The following HPSE variants were observed in gnomAD, a reference collection of about 807,000 sequenced individuals.
The protein encoded by HPSE is heparanase.
Under a neutral mutation model 65.1 loss-of-function variants are expected in HPSE, and 48 were observed. That is an observed-to-expected ratio of 0.74 (90% CI 0.58 to 0.94). HPSE has a LOEUF of 0.94. Ranked by LOEUF, HPSE falls within the 40% of genes least tolerant of loss-of-function variation. The pLI is 0.00. For synonymous variants in HPSE, 243 were observed against 260.0 expected (o/e 0.93, Z 0.63); for missense variants, 644 against 637.5 (o/e 1.01, Z -0.11).
Position 83,310,721 on chromosome 4 carries a change from C to G in HPSE, c.842+1G>C. 6.2e-7 allele frequency: 1 copy of G among 1,608,830 alleles called. No individual in the cohort carries two copies. The highest frequency in any genetic ancestry group is 8.5e-7 in the Non-Finnish European group (1 of 1,178,058). Reference sequence around the variant, plus strand: ...GTGATTCTGCATCCTCTAGTTCCTACCTCTTCAGCATCTTAGCCGTCTTTC... The same window carrying G: ...GTGATTCTGCATCCTCTAGTTCCTAGCTCTTCAGCATCTTAGCCGTCTTTC... On this transcript the variant is annotated splice_donor_variant, in intron 5 of 11. Transcript: ENST00000311412. LOFTEE classifies it high-confidence loss of function.
chr4:83,312,714 C>CTA (rs901888418), intron 4 of HPSE, among the ~76,000 whole-genome samples: 1 of 121,360 alleles, frequency 8.2e-6, no homozygotes, highest in Admixed American at 8.7e-5. Context: ...AGAAATAATG[C>CTA]TAGCCGGGCC....
intron 11 of HPSE, among the ~76,000 whole-genome samples, chr4:83,297,496 TTA>T (rs1735777866): frequency 6.6e-6 from 1 of 152,192 alleles, no homozygotes; most frequent in African/African-American, 2.4e-5. Context: ...TGTGAGTATA[TTA>T]GTTTATTTAC....
intron 1 of HPSE, among the ~76,000 whole-genome samples, chr4:83,327,444 T>G (rs181840126): frequency 6.6e-6 from 1 of 152,228 alleles, no homozygotes; most frequent in Non-Finnish European, 1.5e-5. Context: ...GTGCAAAACA[T>G]GCCATAAAAC....
At chr4:83,301,842 T>C (rs1296086363) in intron 10 of HPSE, among the ~76,000 whole-genome samples, 4 of 152,168 alleles carry the variant, frequency 2.6e-5, no homozygotes, top group Non-Finnish European at 4.4e-5. Flanking sequence ...AATAATATTG[T>C]TGTTATTATT....
Position 83,301,042 on chromosome 4 carries a change from A to T in HPSE, c.1390T>A (p.Leu464Met), listed in dbSNP as rs1002590435. ...TTAGAAAAAGGATAGGGTAACCGCAAGTACTTGGTGACATTATGGAGGTTT... is the reference window on the plus strand; with the variant it reads ...TTAGAAAAAGGATAGGGTAACCGCATGTACTTGGTGACATTATGGAGGTTT... ...AINLHNVTKY[L>M]RLPYPFSNKQ... The change falls in exon 11 of 12, where the codon TTG becomes ATG. Residue 464 changes from leucine (L) to methionine (M), a missense_variant. Transcript: ENST00000311412. 2 of 1,608,336 alleles carry T rather than the reference A, an allele frequency of 1.2e-6. No individual in the cohort carries two copies. Among genetic ancestry groups the T allele is most frequent in the Non-Finnish European group, 1.7e-6 (2 of 1,175,868 alleles).
chr4:83,296,835 C>G (rs893538724), intron 11 of HPSE, among the ~76,000 whole-genome samples: 1 of 151,780 alleles, frequency 6.6e-6, no homozygotes, highest in African/African-American at 2.4e-5. Flanking sequence ...ATTATTATTA[C>G]TAAGATAAAT....
At chr4:83,316,035 CT>C (rs200830278) in intron 3 of HPSE, among the ~76,000 whole-genome samples, 3 of 150,828 alleles carry the variant, frequency 2.0e-5, no homozygotes, top group Admixed American at 6.6e-5. Context: ...TTTCTTTTCT[CT>C]TTTTTTTTGA....
Position 83,301,039 on chromosome 4 carries a change from G to T in HPSE, c.1393C>A (p.Arg465=). The change falls in exon 11 of 12, where the codon CGG becomes AGG. Residue 465 remains arginine, a synonymous_variant. Transcript: ENST00000311412. ...INLHNVTKYL[R]LPYPFSNKQV... ...TTGTTAGAAAAAGGATAGGGTAACC[G>T]CAAGTACTTGGTGACATTATGGAGG... The T allele has an allele frequency of 6.2e-7, 1 of 1,605,838 alleles. No homozygotes were observed. Among genetic ancestry groups the T allele is most frequent in the Non-Finnish European group, 8.5e-7 (1 of 1,173,796 alleles).
chr4:83,325,971 A>G (rs1737136831), intron 1 of HPSE, among the ~76,000 whole-genome samples: 1 of 152,208 alleles, frequency 6.6e-6, no homozygotes. Flanking sequence ...AACAGAATGG[A>G]GAAGCAAATA....
chr4:83,302,288 A>T lies in HPSE; in HGVS notation c.1207-20T>A. On this transcript the variant is annotated intron_variant, in intron 9 of 11. Transcript: ENST00000311412. The stretch of plus-strand genomic sequence containing the variant: ...ATAATCCTAGTTGTGGTGGTTGGGG[A>T]GAAAGAGACAAAAATAGATGTTTAC... 6.7e-7 allele frequency: 1 copy of T among 1,494,424 alleles called. No homozygotes were observed. The highest frequency in any genetic ancestry group is 9.3e-7 in the Non-Finnish European group (1 of 1,073,276). 92.6% of individuals were successfully genotyped at this position (1,494,424 alleles called of 1,614,324 possible). A position where few individuals can be genotyped will look rare whatever the true frequency, so the allele number is the denominator to read the frequency against.
At chr4:83,299,604 A>G (rs992680734) in intron 11 of HPSE, among the ~76,000 whole-genome samples, 3 of 152,150 alleles carry the variant, frequency 2.0e-5, no homozygotes, top group African/African-American at 7.2e-5. Flanking sequence ...TGCTTACTGT[A>G]CTGCCTCAGG....
intron 4 of HPSE, among the ~76,000 whole-genome samples, chr4:83,311,526 G>A (rs756912584): frequency 6.6e-6 from 1 of 151,600 alleles, no homozygotes; most frequent in African/African-American, 2.4e-5. Context: ...GTTTGAGACC[G>A]GGCACAGTGG....
In HPSE at chr4:83,295,209, C is replaced by A. The variant is rs1325618786; in HGVS notation, c.*135G>T. ...GATCAAAATACTGTGCTAAATCTAGCACTGACAGTGTCCCAGTGTCTCTCA... is the reference window on the plus strand; with the variant it reads ...GATCAAAATACTGTGCTAAATCTAGAACTGACAGTGTCCCAGTGTCTCTCA... On this transcript the variant is annotated 3_prime_UTR_variant, in exon 12 of 12. Coordinates refer to ENST00000311412, the MANE Select transcript of HPSE (RefSeq NM_001098540.3). 9.7e-6 allele frequency: 6 copies of A among 619,420 alleles called. No individual in the cohort carries two copies. In the South Asian group the frequency reaches 1.4e-4, roughly 15 times the overall value. The allele number at this position is 619,420 out of a possible 1,614,324, so 38.4% of individuals were successfully genotyped here.
At chr4:83,324,143 C>G (rs1737043775) in intron 1 of HPSE, among the ~76,000 whole-genome samples, 1 of 58,814 alleles carries the variant, frequency 1.7e-5, no homozygotes, top group African/African-American at 8.0e-5. Context: ...TTTTTTGAGA[C>G]AGGATTTCAT....
At chr4:83,302,099 G>T in intron 10 of HPSE, 51 bp downstream of exon 10, 1 of 1,226,462 alleles carries the variant, frequency 8.2e-7, no homozygotes, top group Non-Finnish European at 1.2e-6. Context: ...TAAAGTTACA[G>T]GCTTACCCAC....
chr4:83,316,706 G>C (rs547937886), intron 3 of HPSE, among the ~76,000 whole-genome samples: 4 of 152,268 alleles, frequency 2.6e-5, no homozygotes, highest in African/African-American at 9.6e-5. Context: ...GTCACACCCG[G>C]AATTACATCT....
Position 83,292,808 on chromosome 4 carries a change from T to C in HPSE, c.*2536A>G, listed in dbSNP as rs1041277948. The C allele has an allele frequency of 1.3e-5, 2 of 152,182 alleles. No homozygotes were observed. The highest frequency in any genetic ancestry group is 2.9e-5 in the Non-Finnish European group (2 of 68,034). 9.4% of individuals were successfully genotyped at this position (152,182 alleles called of 1,614,324 possible). ...TCACTTATAAGTGGAAGCTTAGCTG[T>C]AGGTACACAAGAACATACACAGTGG... is the stretch of plus-strand genomic sequence containing the variant. On this transcript the variant is annotated 3_prime_UTR_variant, in exon 12 of 12. Transcript: ENST00000311412.
Position 83,308,845 on chromosome 4 carries a change from A to G in HPSE, c.1091T>C (p.Met364Thr). ...LLSDTFAAGF[M>T]WLDKLGLSAR... The stretch of plus-strand genomic sequence containing the variant: ...CTAAGGCCAGCGCTGCTTCACTCAC[A>G]TAAAGCCAGCTGCAAAGGTGTCGGA... The change falls in exon 8 of 12, where the codon ATG becomes ACG. Residue 364 changes from methionine to threonine, a missense_variant and splice_region_variant. Met to Thr is a moderately conservative substitution (Grantham distance 81). Coordinates refer to ENST00000311412, the MANE Select transcript of HPSE (RefSeq NM_001098540.3). The G allele has an allele frequency of 6.2e-7, 1 of 1,611,484 alleles. No homozygotes were observed. The highest frequency in any genetic ancestry group is 1.1e-5 in the South Asian group (1 of 90,996).
Position 83,292,528 on chromosome 4 carries a change from G to A in HPSE, c.*2816C>T, listed in dbSNP as rs1247475152. 2.0e-5 allele frequency: 3 copies of A among 152,094 alleles called. No individual in the cohort carries two copies. The highest frequency in any genetic ancestry group is 6.5e-5 in the Admixed American group (1 of 15,276). The allele number at this position is 152,094 out of a possible 1,614,324, so 9.4% of individuals were successfully genotyped here. A position where few individuals can be genotyped will look rare whatever the true frequency, so the allele number is the denominator to read the frequency against. On this transcript the variant is annotated 3_prime_UTR_variant, in exon 12 of 12. Transcript: ENST00000311412. ...AAAACCACTTACATATAAAATTTAA[G>A]AGTATTGAAAGATCTAAAATTTAAT...
Sources: allele counts gnomAD v4.1 joint callset (sites outside exome capture counted in the v4.1 genomes callset), GRCh38; gene constraint gnomAD v4.1.1; transcripts MANE v1.5; gene names NCBI Gene and HGNC (gene_info 2026-07-23, HGNC 2026-07-21).